Variants in SIM1 observed in about 807,000 individuals in gnomAD.
The protein encoded by SIM1 is SIM bHLH transcription factor 1.
A neutral mutation model predicts 78.2 loss-of-function variants in SIM1; 18 were observed. The observed-to-expected ratio is 0.23, with a 90% CI of 0.16 to 0.34. The LOEUF (loss-of-function observed/expected upper bound fraction) is 0.34, where lower values mean the gene tolerates loss of function less well. Among genes scored for constraint, SIM1 ranks in the 10% least tolerant of loss-of-function variants. The pLI, the probability that SIM1 is intolerant of heterozygous loss-of-function variation, is 1.00. For synonymous variants in SIM1, 417 were observed against 385.2 expected (o/e 1.08, Z -0.97); for missense variants, 939 against 975.1 (o/e 0.96, Z 0.49).
chr6:100,447,069 T>C (rs905289838), intron 9 of SIM1, among the ~76,000 whole-genome samples, 199 bp downstream of exon 9: 1 of 152,226 alleles, frequency 6.6e-6, no homozygotes, highest in Admixed American at 6.5e-5. Flanking sequence ...TAAATCTTTC[T>C]CTAGAATATA....
At chr6:100,429,231 G>A (rs1292467266) in intron 9 of SIM1, among the ~76,000 whole-genome samples, 6 of 152,024 alleles carry the variant, frequency 3.9e-5, no homozygotes, top group African/African-American at 7.2e-5. Context: ...TTAGCCTGGC[G>A]TGGTGGCACA....
chr6:100,458,887 C>T (rs796272094), intron 2 of SIM1, among the ~76,000 whole-genome samples: 30 of 152,332 alleles, frequency 2.0e-4, no homozygotes, highest in African/African-American at 7.0e-4. Context: ...AATTGAGGTT[C>T]CCCCTCCTCC....
intron 9 of SIM1, among the ~76,000 whole-genome samples, chr6:100,424,299 A>C (rs1283952616): frequency 6.6e-6 from 1 of 152,112 alleles, no homozygotes; most frequent in Non-Finnish European, 1.5e-5. Flanking sequence ...AAAATACAAA[A>C]ATAATCCACC....
At chr6:100,437,240 T>A (rs2114525861) in intron 9 of SIM1, 1 of 152,284 alleles carries the variant, frequency 6.6e-6, no homozygotes, top group South Asian at 2.1e-4. Flanking sequence ...TTGTAATGCA[T>A]TCCTATGTTT....
At chr6:100,426,266 C>T (rs1319935113) in intron 9 of SIM1, among the ~76,000 whole-genome samples, 2 of 152,142 alleles carry the variant, frequency 1.3e-5, no homozygotes, top group African/African-American at 2.4e-5. Context: ...CAAAGTAATC[C>T]TCTTATTCCA....
At chr6:100,429,444 A>T (rs1361266838) in intron 9 of SIM1, among the ~76,000 whole-genome samples, 1 of 152,150 alleles carries the variant, frequency 6.6e-6, no homozygotes, top group Non-Finnish European at 1.5e-5. Flanking sequence ...ATAAATAATC[A>T]AATAAGAAGA....
chr6:100,393,680 C>T lies in SIM1; in HGVS notation c.1377G>A (p.Glu459=), dbSNP rs1438740113. ...CACAGGCCTGGGTATGGAAATGCCT[C>T]TCTTCCACCAGCCTCGAGTGGTCAA... ...FALDHSRLVE[E]RHFHTQACEG... is the part of the protein sequence containing the mutation. The change falls in exon 11 of 12, where the codon GAG becomes GAA. Residue 459 remains glutamate, a synonymous_variant. Transcript: ENST00000369208. 1 of 1,614,042 alleles carries T rather than the reference C, an allele frequency of 6.2e-7. No individual in the cohort carries two copies. Among genetic ancestry groups the T allele is most frequent in the Non-Finnish European group, 8.5e-7 (1 of 1,179,890 alleles).
chr6:100,447,073 G>A (rs557171679), intron 9 of SIM1, among the ~76,000 whole-genome samples, 195 bp downstream of exon 9: 1 of 152,202 alleles, frequency 6.6e-6, no homozygotes, highest in African/African-American at 2.4e-5. Context: ...TCTTTCTCTA[G>A]AATATAACGA....
At chr6:100,412,654 A>G (rs1562239864) in intron 10 of SIM1, among the ~76,000 whole-genome samples, 1 of 122,482 alleles carries the variant, frequency 8.2e-6, no homozygotes, top group African/African-American at 3.0e-5. Flanking sequence ...AGAAAGAAAG[A>G]AAGAGAGAGA....
chr6:100,414,304 C>T (rs1305007522), intron 10 of SIM1, among the ~76,000 whole-genome samples: 1 of 152,228 alleles, frequency 6.6e-6, no homozygotes, highest in Non-Finnish European at 1.5e-5. Context: ...AACAGGTTAG[C>T]TTTGCCTCCC....
At chr6:100,439,152 G>T (rs1772140367) in intron 9 of SIM1, among the ~76,000 whole-genome samples, 1 of 152,136 alleles carries the variant, frequency 6.6e-6, no homozygotes, top group South Asian at 2.1e-4. Context: ...GAAGTTCAAG[G>T]TGAAGAATGT....
intron 9 of SIM1, among the ~76,000 whole-genome samples, chr6:100,442,921 G>T (rs867943620): frequency 8.6e-5 from 13 of 152,012 alleles, no homozygotes; most frequent in Non-Finnish European, 1.5e-4. Flanking sequence ...GTTTTATATT[G>T]ACAGAATATG....
chr6:100,434,886 C>G (rs1048387053), intron 9 of SIM1, among the ~76,000 whole-genome samples: 4 of 152,164 alleles, frequency 2.6e-5, no homozygotes, highest in African/African-American at 9.7e-5. Context: ...CAAGAAATCC[C>G]TGGAGCGGGG....
chr6:100,460,678 C>T (rs947347956), intron 2 of SIM1, among the ~76,000 whole-genome samples: 1 of 152,168 alleles, frequency 6.6e-6, no homozygotes, highest in African/African-American at 2.4e-5. Flanking sequence ...TCAGTTTCCC[C>T]AACTGCCTTG....
intron 9 of SIM1, among the ~76,000 whole-genome samples, chr6:100,444,731 TA>T (rs1305008977): frequency 1.3e-5 from 2 of 152,150 alleles, no homozygotes; most frequent in African/African-American, 4.8e-5. Context: ...TTGCTTTTGT[TA>T]GATAATAATA....
At position 100,390,463 on chromosome 6, in the gene SIM1, G is replaced by T; in HGVS notation, c.2199C>A (p.Gly733=). Residue 733 remains glycine (G), a synonymous_variant, in exon 12 of 12, where the codon GGC becomes GGA. Transcript: ENST00000369208. ...DSETIRNYSL[G]CNGSHFDVTS... ...TTACATCAAAGTGTGAGCCATTACA[G>T]CCCAAGGAATAGTTTCTAATGGTTT... is the stretch of plus-strand genomic sequence containing the variant. 1.2e-6 allele frequency: 2 copies of T among 1,614,014 alleles called. 1 individual carries two copies. Among genetic ancestry groups the T allele is most frequent in the Non-Finnish European group, 1.7e-6 (2 of 1,180,032 alleles).
At chr6:100,412,398 G>T (rs775837135) in intron 10 of SIM1, among the ~76,000 whole-genome samples, 2 of 151,252 alleles carry the variant, frequency 1.3e-5, no homozygotes, top group Admixed American at 1.3e-4. Context: ...TTAGCCAGCC[G>T]TGGTGGTGGG....
chr6:100,392,191 G>C (rs952801325), intron 11 of SIM1, among the ~76,000 whole-genome samples: 2 of 152,104 alleles, frequency 1.3e-5, no homozygotes, highest in African/African-American at 2.4e-5. Context: ...AATTTTTTTA[G>C]ACAATATTTA....
intron 10 of SIM1, among the ~76,000 whole-genome samples, chr6:100,414,388 G>A (rs934490345): frequency 1.3e-5 from 2 of 152,150 alleles, no homozygotes; most frequent in Non-Finnish European, 2.9e-5. Flanking sequence ...CTAAATGCAA[G>A]AGTTAGTAAA....
Sources: gnomAD v4.1 joint callset for allele counts (sites outside exome capture counted in the v4.1 genomes callset) on GRCh38, gnomAD v4.1.1 for gene constraint, MANE v1.5 for transcripts, NCBI Gene and HGNC (gene_info 2026-07-23, HGNC 2026-07-21) for gene names.